TENM2: variants seen among roughly 807,000 people sequenced by gnomAD.
TENM2 encodes teneurin transmembrane protein 2.
Under a neutral mutation model 245.2 loss-of-function variants are expected in TENM2, and 52 were observed. That is an observed-to-expected ratio of 0.21 (90% CI 0.17 to 0.27). The LOEUF (loss-of-function observed/expected upper bound fraction) is 0.27, where lower values mean the gene tolerates loss of function less well. Ranked by LOEUF, TENM2 falls within the 10% of genes least tolerant of loss-of-function variation. TENM2 has a pLI of 1.00. For synonymous variants in TENM2, 1,363 were observed against 1,438.9 expected (o/e 0.95, Z 1.19); for missense variants, 3,046 against 3,666.8 (o/e 0.83, Z 4.37).
At chr5:168,123,209 G>A (rs1365045559) in intron 10 of TENM2, among the ~76,000 whole-genome samples, 2 of 151,990 alleles carry the variant, frequency 1.3e-5, no homozygotes, top group African/African-American at 4.8e-5. Context: ...TAAGGCAGTA[G>A]GATCACTTGA....
At chr5:167,500,718 G>T (rs1769157675) in intron 2 of TENM2, among the ~76,000 whole-genome samples, 1 of 152,128 alleles carries the variant, frequency 6.6e-6, no homozygotes, top group African/African-American at 2.4e-5. Context: ...TCTAGAAGAT[G>T]ACAGGAACGT....
rs1757268094 is a variant in TENM2 at position 167,689,215 on chromosome 5, A to AGAGTGGGAAGGAAAGAG, written c.503-186763_503-186747dup. Among the ~76,000 whole-genome samples the AGAGTGGGAAGGAAAGAG allele has an allele frequency of 2.6e-5, 4 of 152,264 alleles. No individual in the cohort carries two copies. In the South Asian group the frequency reaches 8.3e-4, roughly 32 times the overall value. ...ATGTGAGTCTGGCACCAGTGAAGGG[A>AGAGTGGGAAGGAAAGAG]GAGTGGGAAGGAAAGAGGAGTGGGC... is the stretch of plus-strand genomic sequence containing the variant. On this transcript the variant is annotated intron_variant, in intron 2 of 28. Coordinates refer to ENST00000518659, the Ensembl canonical transcript of TENM2.
chr5:168,132,817 T>C (rs1754708364), intron 12 of TENM2, among the ~76,000 whole-genome samples: 1 of 152,206 alleles, frequency 6.6e-6, no homozygotes, highest in Non-Finnish European at 1.5e-5. Context: ...CCACGTGCCT[T>C]CCAAGTCTGT....
the TENM2 span, among the ~76,000 whole-genome samples, chr5:167,213,515 G>A: frequency 6.6e-6 from 1 of 152,132 alleles, no homozygotes; most frequent in Non-Finnish European, 1.5e-5. Flanking sequence ...CCAATCTACT[G>A]GGGGTGAGGT....
chr5:167,889,100 A>C lies in TENM2; in HGVS notation c.712+12905A>C, dbSNP rs78902869. On this transcript the variant is annotated intron_variant, in intron 3 of 28. Transcript: ENST00000518659. ...CTTTAAAAAACAAAACAAAACAAACAAAAAAACCACACAAAAACAAAAAAA... is the reference window on the plus strand; with the variant it reads ...CTTTAAAAAACAAAACAAAACAAACCAAAAAACCACACAAAAACAAAAAAA... Among the ~76,000 whole-genome samples the C allele has an allele frequency of 8.4e-3, 1,273 of 152,212 alleles. 16 individuals are homozygous for C. The highest frequency in any genetic ancestry group is 0.029 in the African/African-American group (1,194 of 41,522).
intron 14 of TENM2, among the ~76,000 whole-genome samples, chr5:168,194,022 A>G (rs1049699904): frequency 2.6e-5 from 4 of 152,130 alleles, no homozygotes; most frequent in African/African-American, 9.7e-5. Context: ...AAAAAGAGAG[A>G]TGCGTGGAGA....
At chr5:168,072,046 C>G (rs1262383141) in intron 7 of TENM2, among the ~76,000 whole-genome samples, 1 of 152,182 alleles carries the variant, frequency 6.6e-6, no homozygotes, top group Non-Finnish European at 1.5e-5. Context: ...GGACACACCC[C>G]CAGTTTGCTC....
chr5:167,377,669 G>T (rs963561218), intron 2 of TENM2, among the ~76,000 whole-genome samples: 4 of 152,136 alleles, frequency 2.6e-5, no homozygotes, highest in African/African-American at 9.7e-5. Context: ...GCAGGCAGAG[G>T]TGTTAACTTC....
chr5:167,323,547 G>A (rs1756898437), intron 1 of TENM2, among the ~76,000 whole-genome samples: 1 of 151,904 alleles, frequency 6.6e-6, no homozygotes, highest in Non-Finnish European at 1.5e-5. Context: ...TTTCCTAAAT[G>A]CAATCAGCTT....
chr5:167,679,654 G>A lies in TENM2; in HGVS notation c.503-196332G>A, dbSNP rs138623614. On this transcript the variant is annotated intron_variant, in intron 2 of 28. Transcript: ENST00000518659. Reference sequence around the variant, plus strand: ...AAAACCTTTGAAACTAATTTCTTAGGCAGTTTTCCTGAAACATGTTATTAG... The same window carrying A: ...AAAACCTTTGAAACTAATTTCTTAGACAGTTTTCCTGAAACATGTTATTAG... Among the ~76,000 whole-genome samples, 886 of 152,178 alleles carry A rather than the reference G, an allele frequency of 5.8e-3. 12 individuals carry two copies. The highest frequency in any genetic ancestry group is 0.02 in the African/African-American group (829 of 41,518).
intron 2 of TENM2, among the ~76,000 whole-genome samples, chr5:167,838,101 A>G (rs1019544827): frequency 6.6e-6 from 1 of 152,216 alleles, no homozygotes; most frequent in Non-Finnish European, 1.5e-5. Context: ...ACTCCACACA[A>G]GTTGGCAACT....
At chr5:167,427,596 AGG>A (rs1763920948) in intron 2 of TENM2, among the ~76,000 whole-genome samples, 1 of 112,516 alleles carries the variant, frequency 8.9e-6, no homozygotes, top group African/African-American at 4.5e-5. Context: ...AAGGGAAGGA[AGG>A]GACGGGAGGG....
chr5:167,756,714 C>A (rs1022264658), intron 2 of TENM2, among the ~76,000 whole-genome samples: 1 of 152,104 alleles, frequency 6.6e-6, no homozygotes, highest in Admixed American at 6.6e-5. Context: ...CAAGAGTCTG[C>A]CAATGAGAAA....
At chr5:167,592,807 C>T (rs1321373679) in intron 2 of TENM2, among the ~76,000 whole-genome samples, 1 of 152,102 alleles carries the variant, frequency 6.6e-6, no homozygotes, top group Non-Finnish European at 1.5e-5. Flanking sequence ...ATATTCTTTA[C>T]CCATAAGAAA....
At chr5:167,486,529 C>T (rs1391503272) in intron 2 of TENM2, among the ~76,000 whole-genome samples, 1 of 151,958 alleles carries the variant, frequency 6.6e-6, no homozygotes, top group South Asian at 2.1e-4. Flanking sequence ...AGGGCTTCAC[C>T]GTGTTAGCCA....
At chr5:168,085,971 A>G (rs1792419280) in intron 7 of TENM2, among the ~76,000 whole-genome samples, 2 of 152,254 alleles carry the variant, frequency 1.3e-5, no homozygotes, top group South Asian at 4.1e-4. Flanking sequence ...GGGAAATGTC[A>G]GCATTTATTG....
At chr5:168,225,772 A>G (rs905372666) in intron 23 of TENM2, among the ~76,000 whole-genome samples, 1 of 151,890 alleles carries the variant, frequency 6.6e-6, no homozygotes, top group Non-Finnish European at 1.5e-5. Flanking sequence ...AAAAAAAAAA[A>G]AAAAAAAGAA....
chr5:168,243,918 T>C (rs563163002), intron 25 of TENM2, among the ~76,000 whole-genome samples: 2 of 151,050 alleles, frequency 1.3e-5, no homozygotes, highest in Non-Finnish European at 2.9e-5. Flanking sequence ...ATACAAATAC[T>C]ACCATTTTCT....
rs75685103 is a variant in TENM2, at chr5:167,687,150, A to G, written c.503-188836A>G. Among the ~76,000 whole-genome samples, 1,485 of 152,276 alleles carry G rather than the reference A, an allele frequency of 9.8e-3. 23 individuals carry two copies. Among genetic ancestry groups the G allele is most frequent in the African/African-American group, 0.032 (1,339 of 41,540 alleles). ...TGTGTTCTCCGGTTACCTCGGGGAAAATTGACTCAGGCTGTACTATAGGGC... is the reference window on the plus strand; with the variant it reads ...TGTGTTCTCCGGTTACCTCGGGGAAGATTGACTCAGGCTGTACTATAGGGC... On this transcript the variant is annotated intron_variant, in intron 2 of 28. Transcript: ENST00000518659.
Sources: allele counts gnomAD v4.1 joint callset (sites outside exome capture counted in the v4.1 genomes callset), GRCh38; gene constraint gnomAD v4.1.1; transcripts MANE v1.5; gene names NCBI Gene and HGNC (gene_info 2026-07-23, HGNC 2026-07-21).